Variants in ARL15 observed in about 807,000 individuals in gnomAD.
ARL15 encodes ADP-ribosylation factor-like protein 15.
ARL15 carries 19 observed loss-of-function variants against 25.2 expected under a neutral mutation model. The observed-to-expected ratio is 0.75, with a 90% CI of 0.53 to 1.10. The LOEUF is 1.10. ARL15 is among the 50% of genes least tolerant of loss of function. ARL15 has a pLI of 0.00. For missense variants in ARL15, 220 were observed against 246.0 expected (o/e 0.89, Z 0.71); for synonymous variants, 94 against 86.8 (o/e 1.08, Z -0.46).
intron 1 of ARL15, among the ~76,000 whole-genome samples, chr5:54,181,054 T>TA (rs1755041978): frequency 6.6e-6 from 1 of 152,186 alleles, no homozygotes; most frequent in Non-Finnish European, 1.5e-5. Flanking sequence ...AGTGAGATTT[T>TA]AAAAGTTAGG....
At chr5:54,193,059 T>A (rs1755451215) in intron 1 of ARL15, among the ~76,000 whole-genome samples, 1 of 152,210 alleles carries the variant, frequency 6.6e-6, no homozygotes, top group Non-Finnish European at 1.5e-5. Context: ...TGCTTCAACG[T>A]CCTGCTCTGG....
chr5:54,050,862 AT>A (rs1449407666), intron 4 of ARL15, among the ~76,000 whole-genome samples: 2 of 152,106 alleles, frequency 1.3e-5, no homozygotes, highest in Admixed American at 1.3e-4. Context: ...TACTAATTTA[AT>A]CTTCTGCTTC....
intron 1 of ARL15, among the ~76,000 whole-genome samples, chr5:54,240,921 G>C (rs545438993): frequency 9.2e-5 from 14 of 152,162 alleles, no homozygotes; most frequent in African/African-American, 3.4e-4. Context: ...AAATCCAAAA[G>C]CCAAAACACT....
intron 1 of ARL15, among the ~76,000 whole-genome samples, chr5:54,219,688 AAG>A (rs1403146093): frequency 6.6e-6 from 1 of 152,172 alleles, no homozygotes; most frequent in Non-Finnish European, 1.5e-5. Flanking sequence ...CGGAGAAAGA[AAG>A]GGGGAAAAAG....
chr5:53,888,394 C>A (rs1744604754), intron 4 of ARL15, among the ~76,000 whole-genome samples: 1 of 152,078 alleles, frequency 6.6e-6, no homozygotes, highest in Admixed American at 6.5e-5. Flanking sequence ...GATCCTCCCA[C>A]CTTAGCCTCC....
chr5:54,258,184 A>T (rs1399813378), intron 1 of ARL15, among the ~76,000 whole-genome samples: 3 of 151,424 alleles, frequency 2.0e-5, no homozygotes, highest in Non-Finnish European at 2.9e-5. Flanking sequence ...AAAAAAAAAA[A>T]TTTATGAGTG....
intron 4 of ARL15, among the ~76,000 whole-genome samples, chr5:53,892,644 C>A (rs1744756876): frequency 6.6e-6 from 1 of 151,554 alleles, no homozygotes; most frequent in African/African-American, 2.4e-5. Context: ...GCTCTGTCAC[C>A]CAGGCTGGAG....
chr5:54,011,401 A>C (rs1023359207), intron 4 of ARL15, among the ~76,000 whole-genome samples: 39 of 152,274 alleles, frequency 2.6e-4, no homozygotes, highest in Admixed American at 1.2e-3. Flanking sequence ...TTTCTCCTGT[A>C]ATCAGAAGAG....
At chr5:53,906,394 G>GATGA (rs1745251316) in intron 4 of ARL15, among the ~76,000 whole-genome samples, 1 of 152,024 alleles carries the variant, frequency 6.6e-6, no homozygotes, top group Non-Finnish European at 1.5e-5. Flanking sequence ...ATGACCACTG[G>GATGA]CCCTGTACAT....
At chr5:54,065,542 T>C (rs1167897737) in intron 4 of ARL15, among the ~76,000 whole-genome samples, 2 of 152,180 alleles carry the variant, frequency 1.3e-5, no homozygotes, top group Non-Finnish European at 2.9e-5. Context: ...GGCATGCACC[T>C]GTAGTCCCAG....
intron 1 of ARL15, among the ~76,000 whole-genome samples, chr5:54,237,221 C>A (rs1463183657): frequency 6.6e-6 from 1 of 152,240 alleles, no homozygotes; most frequent in African/African-American, 2.4e-5. Flanking sequence ...TGCAAATGCT[C>A]TCTTGCCTGC....
At chr5:54,296,246 T>C (rs1433935561) in intron 1 of ARL15, among the ~76,000 whole-genome samples, 1 of 152,214 alleles carries the variant, frequency 6.6e-6, no homozygotes, top group Admixed American at 6.5e-5. Context: ...AGCAAAATCT[T>C]TTTGGTGACA....
At chr5:54,117,346 G>A (rs1407602351) in intron 3 of ARL15, among the ~76,000 whole-genome samples, 3 of 140,378 alleles carry the variant, frequency 2.1e-5, no homozygotes, top group Non-Finnish European at 4.6e-5. Flanking sequence ...GAGTACATAT[G>A]GTACCTGCAA....
chr5:54,117,098 C>A (rs1333397830), intron 3 of ARL15, among the ~76,000 whole-genome samples: 2 of 152,184 alleles, frequency 1.3e-5, no homozygotes, highest in Non-Finnish European at 2.9e-5. Context: ...CATTATTCCT[C>A]TTAACTGAAA....
At chr5:53,976,157 T>C (rs79503516) in intron 4 of ARL15, among the ~76,000 whole-genome samples, 1,704 of 152,158 alleles carry the variant, frequency 0.011, 29 homozygotes, top group African/African-American at 0.039. Flanking sequence ...AAATAAGACA[T>C]AATCCCTGCA....
At chr5:54,140,979 C>T (rs945196117) in intron 3 of ARL15, among the ~76,000 whole-genome samples, 1 of 152,120 alleles carries the variant, frequency 6.6e-6, no homozygotes, top group Non-Finnish European at 1.5e-5. Flanking sequence ...TCTATAAGAT[C>T]TGCACTTTGC....
At position 54,127,548 on chromosome 5, in the gene ARL15, G is replaced by A. The variant is rs563801316; in HGVS notation, c.254-14138C>T. Among the ~76,000 whole-genome samples the A allele has an allele frequency of 2.5e-3, 378 of 151,586 alleles. 1 individual carries two copies. The highest frequency in any genetic ancestry group is 8.9e-3 in the African/African-American group (366 of 41,348). The stretch of plus-strand genomic sequence containing the variant: ...ACAAACAAATGGAAGAACATTCCAT[G>A]CTCATGGGTAGGAAGAATCAATATC... On this transcript the variant is annotated intron_variant, in intron 3 of 4. Transcript: ENST00000504924.
In ARL15 at chr5:53,975,991, C is replaced by T. The variant is rs528191760; in HGVS notation, c.463-89278G>A. On this transcript the variant is annotated intron_variant, in intron 4 of 4. Coordinates refer to ENST00000504924, the MANE Select transcript of ARL15 (RefSeq NM_019087.3). ...CATGATACCTTTAGGATTGAAGATTCGCACATCCTGGATTTAGCCTGTGTG... is the reference window on the plus strand; with the variant it reads ...CATGATACCTTTAGGATTGAAGATTTGCACATCCTGGATTTAGCCTGTGTG... Among the ~76,000 whole-genome samples the T allele has an allele frequency of 1.6e-4, 24 of 152,274 alleles. No homozygotes were observed. In the South Asian group the frequency reaches 4.1e-3, roughly 26 times the overall value.
chr5:53,943,757 T>C (rs989616081), intron 4 of ARL15, among the ~76,000 whole-genome samples: 5 of 152,130 alleles, frequency 3.3e-5, no homozygotes, highest in African/African-American at 1.2e-4. Flanking sequence ...CAAAGCTGGA[T>C]AAATTTTCTA....
Sources: allele counts gnomAD v4.1 joint callset (sites outside exome capture counted in the v4.1 genomes callset), GRCh38; gene constraint gnomAD v4.1.1; transcripts MANE v1.5; gene names NCBI Gene and HGNC (gene_info 2026-07-23, HGNC 2026-07-21).